FAM210A: variants seen among roughly 807,000 people sequenced by gnomAD.
FAM210A encodes mitochondrial inner membrane scaffold 1, also known as family with sequence similarity 210 member A.
FAM210A carries 13 observed loss-of-function variants against 25.3 expected under a neutral mutation model. The observed-to-expected ratio is 0.51, with a 90% CI of 0.33 to 0.82. The LOEUF (loss-of-function observed/expected upper bound fraction) is 0.82, where lower values mean the gene tolerates loss of function less well. FAM210A is among the 40% of genes least tolerant of loss of function. The pLI is 0.02. For missense variants in FAM210A, 319 were observed against 323.2 expected (o/e 0.99, Z 0.10); for synonymous variants, 125 against 118.7 (o/e 1.05, Z -0.35).
intron 1 of FAM210A, among the ~76,000 whole-genome samples, chr18:13,696,909 G>C (rs2043699076): frequency 6.6e-6 from 1 of 152,170 alleles, no homozygotes; most frequent in African/African-American, 2.4e-5. Flanking sequence ...CTCACCCAGA[G>C]CAACTTCCAG....
chr18:13,707,312 A>G (rs530214888), intron 1 of FAM210A, among the ~76,000 whole-genome samples: 52 of 152,376 alleles, frequency 3.4e-4, no homozygotes, highest in African/African-American at 1.2e-3. Context: ...AGGCCCCAAC[A>G]GACCAAACCA....
At chr18:13,722,866 G>A (rs1263422463) in intron 1 of FAM210A, among the ~76,000 whole-genome samples, 1 of 145,964 alleles carries the variant, frequency 6.9e-6, no homozygotes, top group South Asian at 2.2e-4. Flanking sequence ...TTTTTTTTGA[G>A]ACAGTCTCAC....
intron 2 of FAM210A, among the ~76,000 whole-genome samples, chr18:13,673,223 GATT>G (rs748066069): frequency 1.4e-5 from 2 of 146,110 alleles, no homozygotes; most frequent in African/African-American, 2.6e-5. Context: ...CCAGTTTCCT[GATT>G]ATTAACATTC....
chr18:13,689,344 C>G (rs1217900284), intron 1 of FAM210A, among the ~76,000 whole-genome samples: 1 of 152,168 alleles, frequency 6.6e-6, no homozygotes, highest in Admixed American at 6.5e-5. Context: ...TTGGTTATCA[C>G]AATCAATGTA....
chr18:13,686,567 T>C (rs2043598855), intron 1 of FAM210A, among the ~76,000 whole-genome samples: 1 of 152,198 alleles, frequency 6.6e-6, no homozygotes, highest in African/African-American at 2.4e-5. Flanking sequence ...TCTATGCTCC[T>C]GGGTTGCAAT....
At chr18:13,710,884 T>C (rs2043815560) in intron 1 of FAM210A, among the ~76,000 whole-genome samples, 1 of 152,196 alleles carries the variant, frequency 6.6e-6, no homozygotes, top group South Asian at 2.1e-4. Flanking sequence ...ATGACATTAA[T>C]AAAACTCTTT....
At chr18:13,690,620 G>C (rs1293808564) in intron 1 of FAM210A, among the ~76,000 whole-genome samples, 1 of 152,196 alleles carries the variant, frequency 6.6e-6, no homozygotes, top group Non-Finnish European at 1.5e-5. Flanking sequence ...TGCAGCCTCT[G>C]CTGGTGATAC....
intron 1 of FAM210A, among the ~76,000 whole-genome samples, chr18:13,682,357 A>G (rs1415750029): frequency 6.6e-6 from 1 of 152,230 alleles, no homozygotes; most frequent in Non-Finnish European, 1.5e-5. Context: ...ACCTGAGATC[A>G]GGAGTTCCGA....
At chr18:13,681,354 G>A (rs2043551686) in intron 2 of FAM210A, among the ~76,000 whole-genome samples, 1 of 152,172 alleles carries the variant, frequency 6.6e-6, no homozygotes, top group African/African-American at 2.4e-5. Context: ...TAAAATGGGT[G>A]TAACTGTGTA....
chr18:13,721,438 A>G (rs1601972838), intron 1 of FAM210A, among the ~76,000 whole-genome samples: 1 of 152,266 alleles, frequency 6.6e-6, no homozygotes, highest in East Asian at 1.9e-4. Flanking sequence ...TGCACAGGCC[A>G]AACAGGAGGG....
At chr18:13,673,502 T>A (rs2149052522) in intron 2 of FAM210A, among the ~76,000 whole-genome samples, 1 of 151,868 alleles carries the variant, frequency 6.6e-6, no homozygotes, top group Non-Finnish European at 1.5e-5. Flanking sequence ...TTAACATTCC[T>A]AAGCCCCGGC....
intron 1 of FAM210A, among the ~76,000 whole-genome samples, chr18:13,682,631 G>A (rs535667923): frequency 2.6e-5 from 4 of 152,214 alleles, no homozygotes; most frequent in African/African-American, 9.6e-5. Context: ...AATTTTGGGA[G>A]TCTGAGGCAG....
chr18:13,723,934 T>A (rs2043915097), intron 1 of FAM210A, among the ~76,000 whole-genome samples: 1 of 152,228 alleles, frequency 6.6e-6, no homozygotes, highest in African/African-American at 2.4e-5. Context: ...AAAGCTTCCA[T>A]GAACCACCTC....
intron 2 of FAM210A, among the ~76,000 whole-genome samples, chr18:13,676,279 C>T (rs1279822697): frequency 7.1e-6 from 1 of 140,224 alleles, no homozygotes; most frequent in Non-Finnish European, 1.6e-5. Flanking sequence ...TTCCAGTTTC[C>T]TGATTATTAA....
rs960120605 is a variant in FAM210A, at chr18:13,664,997, C to G, written c.*1483G>C. On this transcript the variant is annotated 3_prime_UTR_variant, in exon 4 of 4. Transcript: ENST00000651643. ...TAGACACTTACATACTCAAACACAC[C>G]CCACCAGCCCCGCAACGCTCACAGC... 2.0e-5 allele frequency: 3 copies of G among 152,694 alleles called. No homozygotes were observed. The highest frequency in any genetic ancestry group is 7.2e-5 in the African/African-American group (3 of 41,392). The allele number at this position is 152,694 out of a possible 1,614,324, so 9.5% of individuals were successfully genotyped here.
chr18:13,707,903 T>C (rs1400382866), intron 1 of FAM210A, among the ~76,000 whole-genome samples: 1 of 152,230 alleles, frequency 6.6e-6, no homozygotes, highest in African/African-American at 2.4e-5. Context: ...TCCCTTTTTT[T>C]TTTTGTCTAT....
In FAM210A at chr18:13,702,647, T is replaced by C. The variant is rs1299345966; in HGVS notation, c.-28-20542A>G. ...GTTAAAAGCCTTTGCAAGCTCAAAA[T>C]TAACTACTCTAGACTCCTTCTGGAA... is the stretch of plus-strand genomic sequence containing the variant. On this transcript the variant is annotated intron_variant, in intron 1 of 3. Transcript: ENST00000651643. Among the ~76,000 whole-genome samples, 3 of 152,230 alleles carry C rather than the reference T, an allele frequency of 2.0e-5. No homozygotes were observed. In the East Asian group the frequency reaches 5.8e-4, roughly 29 times the overall value.
intron 1 of FAM210A, among the ~76,000 whole-genome samples, chr18:13,702,315 CA>C (rs2043746984): frequency 6.6e-6 from 1 of 152,202 alleles, no homozygotes; most frequent in Admixed American, 6.5e-5. Flanking sequence ...AAGCTGCAGC[CA>C]ATTTGGTATG....
rs1223793925 is a variant in FAM210A at position 13,681,975 on chromosome 18, G to A, written c.103C>T (p.Pro35Ser). The change falls in exon 2 of 4, where the codon CCT becomes TCT. Residue 35 changes from proline (P) to serine (S), a missense_variant. Coordinates refer to ENST00000651643, the MANE Select transcript of FAM210A (RefSeq NM_152352.4). ...GATTCAGCATTGTATAAAAGTAAAG[G>A]TCCCTTTACATTTTGACAGTGTCCA... Reference protein sequence around the residue: ...LFGHCQNVKGPLLLYNAESKV... With the variant: ...LFGHCQNVKGSLLLYNAESKV... 6.2e-7 allele frequency: 1 copy of A among 1,614,118 alleles called. No homozygotes were observed. Among genetic ancestry groups the A allele is most frequent in the Non-Finnish European group, 8.5e-7 (1 of 1,180,014 alleles).
Sources: gnomAD v4.1 joint callset for allele counts (sites outside exome capture counted in the v4.1 genomes callset) on GRCh38, gnomAD v4.1.1 for gene constraint, MANE v1.5 for transcripts, NCBI Gene and HGNC (gene_info 2026-07-23, HGNC 2026-07-21) for gene names.